TAF1A: variants seen among roughly 807,000 people sequenced by gnomAD.
TAF1A encodes the protein TATA box-binding protein-associated factor RNA polymerase I subunit A.
Under a neutral mutation model 61.6 loss-of-function variants are expected in TAF1A, and 42 were observed. That is an observed-to-expected ratio of 0.68 (90% CI 0.53 to 0.88). The LOEUF (loss-of-function observed/expected upper bound fraction) is 0.88. Ranked by LOEUF, TAF1A falls within the 40% of genes least tolerant of loss-of-function variation. The pLI is 0.00. For missense variants in TAF1A, 424 were observed against 518.7 expected, an observed-to-expected ratio of 0.82 and a Z score of 1.77; for synonymous variants, 179 against 177.7, an observed-to-expected ratio of 1.01 and a Z score of -0.06.
At chr1:222,564,699 T>C (rs141902121) in intron 7 of TAF1A, among the ~76,000 whole-genome samples, 230 of 152,288 alleles carry the variant, frequency 1.5e-3, no homozygotes, top group African/African-American at 3.9e-3. Flanking sequence ...ACTATTTTTA[T>C]GAATATTCAA....
At chr1:222,554,355 G>C (rs1229264815), downstream of TAF1A, among the ~76,000 whole-genome samples, 1 of 152,208 alleles carries the variant, frequency 6.6e-6, no homozygotes, top group African/African-American at 2.4e-5. Context: ...ATAGAAGTCA[G>C]CTTCGTATTT....
In TAF1A at chr1:222,558,701, T is replaced by A. The variant is rs755774034; in HGVS notation, c.1312A>T (p.Arg438Ter). Residue 438 changes from arginine (R) to a stop codon, truncating the protein, a stop_gained, in exon 11 of 11, where the codon AGA (arginine) becomes TGA (stop). Coordinates refer to ENST00000352967, the MANE Select transcript of TAF1A (RefSeq NM_005681.4). LOFTEE classifies it high-confidence loss of function. ...ILGKKIKRMK[R>*]SVKKYSIVNP... is the part of the protein sequence containing the mutation. ...ACAATACTGTATTTTTTCACAGATC[T>A]CTTCATCCGCTTAATTTTCTTCCCT... The A allele has an allele frequency of 6.3e-7, 1 of 1,578,406 alleles. No individual in the cohort carries two copies.
chr1:222,560,638 A>C lies in TAF1A; in HGVS notation c.1240+726T>G, dbSNP rs549789384. The stretch of plus-strand genomic sequence containing the variant: ...AATCAACATTGTATTACATTCACTG[A>C]GACTACTAATTCCAAAATAATAGAA... On this transcript the variant is annotated intron_variant, in intron 10 of 10. Transcript: ENST00000352967. Among the ~76,000 whole-genome samples, 3 of 152,338 alleles carry C rather than the reference A, an allele frequency of 2.0e-5. No homozygotes were observed. In the South Asian group the frequency reaches 6.2e-4, roughly 32 times the overall value.
intron 1 of TAF1A, 100 bp from the exon 2 acceptor site, chr1:222,588,665 T>C (rs1160092444): frequency 2.4e-5 from 31 of 1,294,234 alleles, no homozygotes; most frequent in Non-Finnish European, 3.1e-5. Context: ...ATAAATATAA[T>C]TTGATTAGCA....
Position 222,572,582 on chromosome 1 carries a change from TC to T in TAF1A, c.605-1918del, listed in dbSNP as rs1660402818. Among the ~76,000 whole-genome samples the T allele has an allele frequency of 3.3e-5, 5 of 152,168 alleles. No individual in the cohort carries two copies. The South Asian group carries it at 1.0e-3, about 31-fold the overall frequency. ...CATGTTGCCCAGGTTGGTTTCGAAC[TC>T]CTGAGGGCTCATGCGATCTACCTGT... On this transcript the variant is annotated intron_variant, in intron 5 of 10. Coordinates refer to ENST00000352967, the MANE Select transcript of TAF1A (RefSeq NM_005681.4).
At chr1:222,588,103 A>G (rs554542918) in intron 2 of TAF1A, among the ~76,000 whole-genome samples, 2 of 152,276 alleles carry the variant, frequency 1.3e-5, no homozygotes, top group South Asian at 4.1e-4. Context: ...TTTCAATGCA[A>G]TTCAACAGCA....
At chr1:222,586,095 C>A (rs921144191) in intron 2 of TAF1A, among the ~76,000 whole-genome samples, 3 of 152,130 alleles carry the variant, frequency 2.0e-5, no homozygotes, top group Non-Finnish European at 4.4e-5. Flanking sequence ...AATGTACATA[C>A]AAATCACCTG....
At chr1:222,572,952 T>C (rs1037898643) in intron 5 of TAF1A, among the ~76,000 whole-genome samples, 1 of 152,196 alleles carries the variant, frequency 6.6e-6, no homozygotes, top group Non-Finnish European at 1.5e-5. Flanking sequence ...AACACTTTTA[T>C]GCTTCAAAGG....
At chr1:222,555,282 T>C (rs1268761027), downstream of TAF1A, among the ~76,000 whole-genome samples, 2 of 152,160 alleles carry the variant, frequency 1.3e-5, no homozygotes, top group African/African-American at 4.8e-5. Flanking sequence ...GAAATCAAGG[T>C]TGCAAAGAGA....
chr1:222,575,123 G>C (rs1416249787), intron 5 of TAF1A, among the ~76,000 whole-genome samples: 1 of 152,074 alleles, frequency 6.6e-6, no homozygotes, highest in Admixed American at 6.5e-5. Flanking sequence ...CCAAACAGAG[G>C]CACTGGTATC....
At chr1:222,562,417 T>TC (rs1659954082) in intron 9 of TAF1A, among the ~76,000 whole-genome samples, 1 of 152,178 alleles carries the variant, frequency 6.6e-6, no homozygotes, top group Non-Finnish European at 1.5e-5. Flanking sequence ...AGAAGTTTAT[T>TC]CAGGGCTTCA....
Position 222,567,110 on chromosome 1 carries a change from A to G in TAF1A, c.894+2400T>C, listed in dbSNP as rs565495853. Among the ~76,000 whole-genome samples, 4 of 152,354 alleles carry G rather than the reference A, an allele frequency of 2.6e-5. No homozygotes were observed. The East Asian group carries it at 7.7e-4, about 29-fold the overall frequency. Reference sequence around the variant, plus strand: ...AGGTACATAAAATGGAATATTATTCAGCCTTAAATAAAAATGGCCGTTCTG... The same window carrying G: ...AGGTACATAAAATGGAATATTATTCGGCCTTAAATAAAAATGGCCGTTCTG... On this transcript the variant is annotated intron_variant, in intron 7 of 10. Coordinates refer to ENST00000352967, the MANE Select transcript of TAF1A (RefSeq NM_005681.4).
intron 7 of TAF1A, 143 bp downstream of exon 7, chr1:222,569,367 A>G (rs1571805533): frequency 6.4e-7 from 1 of 1,556,230 alleles, no homozygotes; most frequent in East Asian, 2.4e-5. Flanking sequence ...TGGCAGCTGG[A>G]GCCAACTTTC....
Position 222,579,869 on chromosome 1 carries a change from T to C in TAF1A, c.295A>G (p.Ile99Val). Residue 99 changes from isoleucine (I) to valine (V), a missense_variant, in exon 4 of 11, where the codon ATT (isoleucine) becomes GTT (valine). Coordinates refer to ENST00000352967, the MANE Select transcript of TAF1A (RefSeq NM_005681.4). The stretch of plus-strand genomic sequence containing the variant: ...AGAATTTCACTTCCGAGCTTCCAAA[T>C]AATCTGTCAAAGCAGAAATTACTGC... The part of the protein sequence containing the change: ...SYKRQAAPEI[I>V]WKLGSEILFY... The C allele has an allele frequency of 6.2e-7, 1 of 1,603,018 alleles. No individual in the cohort carries two copies. The highest frequency in any genetic ancestry group is 8.5e-7 in the Non-Finnish European group (1 of 1,176,994).
rs1309715962 is a variant in TAF1A at position 222,588,005 on chromosome 1, G to A, written c.121+438C>T. 2.0e-5 allele frequency among the ~76,000 whole-genome samples: 3 copies of A among 151,348 alleles called. No individual in the cohort carries two copies. In the East Asian group the frequency reaches 5.8e-4, roughly 29 times the overall value. On this transcript the variant is annotated intron_variant, in intron 2 of 10. Coordinates refer to ENST00000352967, the MANE Select transcript of TAF1A (RefSeq NM_005681.4). ...AGAGGTTGCAGTGAGCCAAGATCTA[G>A]CCACTGCACTCCAGCGTGGGCAACA...
chr1:222,586,523 A>G (rs916948086), intron 2 of TAF1A, among the ~76,000 whole-genome samples: 2 of 152,204 alleles, frequency 1.3e-5, no homozygotes, highest in African/African-American at 4.8e-5. Flanking sequence ...GATCCTGATG[A>G]CTTTAAGAAA....
intron 10 of TAF1A, among the ~76,000 whole-genome samples, chr1:222,561,155 T>C (rs1659897526): frequency 6.6e-6 from 1 of 152,178 alleles, no homozygotes; most frequent in Non-Finnish European, 1.5e-5. Flanking sequence ...AGTCAGGAGA[T>C]GAAAACCGTT....
chr1:222,580,028 T>A, intron 3 of TAF1A, 156 bp from the exon 4 acceptor site: 1 of 779,728 alleles, frequency 1.3e-6, no homozygotes, highest in Non-Finnish European at 1.9e-6. Flanking sequence ...CATGTAAAAT[T>A]AATACTACTT....
intron 1 of TAF1A, among the ~76,000 whole-genome samples, chr1:222,588,919 G>C (rs1445430213): frequency 2.6e-5 from 4 of 152,156 alleles, no homozygotes; most frequent in Non-Finnish European, 5.9e-5. Flanking sequence ...ATATTTATTA[G>C]GCCCTTACTA....
Sources: gnomAD v4.1 joint callset for allele counts (sites outside exome capture counted in the v4.1 genomes callset) on GRCh38, gnomAD v4.1.1 for gene constraint, MANE v1.5 for transcripts, NCBI Gene and HGNC (gene_info 2026-07-23, HGNC 2026-07-21) for gene names.